The following OSBPL8 variants were observed in gnomAD, a reference collection of about 807,000 sequenced individuals.
OSBPL8 encodes oxysterol-binding protein-related protein 8.
Under a neutral mutation model 125.5 loss-of-function variants are expected in OSBPL8, and 59 were observed. That is an observed-to-expected ratio of 0.47 (90% CI 0.38 to 0.58). The LOEUF (loss-of-function observed/expected upper bound fraction) is 0.58, where lower values mean the gene tolerates loss of function less well. OSBPL8 is among the 20% of genes least tolerant of loss of function. The pLI, the probability that OSBPL8 is intolerant of heterozygous loss-of-function variation, is 0.00. For missense variants in OSBPL8, 758 were observed against 1,047.8 expected, an observed-to-expected ratio of 0.72 and a Z score of 3.82; for synonymous variants, 330 against 338.9, an observed-to-expected ratio of 0.97 and a Z score of 0.29.
intron 1 of OSBPL8, among the ~76,000 whole-genome samples, chr12:76,503,787 C>G (rs1031396973): frequency 3.9e-5 from 6 of 152,074 alleles, no homozygotes; most frequent in African/African-American, 1.2e-4. Context: ...TCGTGATCCA[C>G]CTGCCTCGGC....
intron 1 of OSBPL8, among the ~76,000 whole-genome samples, chr12:76,491,646 G>A (rs1335899976): frequency 6.6e-6 from 1 of 152,070 alleles, no homozygotes; most frequent in Non-Finnish European, 1.5e-5. Context: ...TCTCTTCAAG[G>A]ACAGAGGCTA....
chr12:76,382,440 G>T (rs1431498941), intron 15 of OSBPL8, among the ~76,000 whole-genome samples: 1 of 152,046 alleles, frequency 6.6e-6, no homozygotes, highest in Non-Finnish European at 1.5e-5. Flanking sequence ...GTTGTAAGGG[G>T]TTGTTCTGTG....
intron 23 of OSBPL8, 141 bp from the exon 24 acceptor site, chr12:76,356,162 T>TGGGGGGGTGAACTGGGG (rs1951977503): frequency 7.6e-6 from 1 of 131,834 alleles, no homozygotes; most frequent in African/African-American, 3.4e-5. Context: ...TATGTAGGGG[T>TGGGGGGGTGAACTGGGG]GGGGGGGGGC....
intron 6 of OSBPL8, among the ~76,000 whole-genome samples, chr12:76,401,640 A>G (rs1954057430): frequency 6.6e-6 from 1 of 152,166 alleles, no homozygotes; most frequent in African/African-American, 2.4e-5. Context: ...CCACTGGCCT[A>G]TACTGCTTCT....
chr12:76,554,188 C>CT (rs1395309734), intron 1 of OSBPL8, among the ~76,000 whole-genome samples: 1 of 151,880 alleles, frequency 6.6e-6, no homozygotes, highest in Non-Finnish European at 1.5e-5. Flanking sequence ...TTGCTTTACT[C>CT]TAAGTATTTT....
chr12:76,413,223 T>C (rs554486190), intron 4 of OSBPL8, among the ~76,000 whole-genome samples: 1 of 152,264 alleles, frequency 6.6e-6, no homozygotes, highest in South Asian at 2.1e-4. Context: ...AAATAGAGAA[T>C]TGCTAACATT....
chr12:76,406,994 A>G (rs1275724270), intron 5 of OSBPL8, among the ~76,000 whole-genome samples: 2 of 152,206 alleles, frequency 1.3e-5, no homozygotes, highest in East Asian at 1.9e-4. Context: ...ATTTTAAGAA[A>G]TAACATTTAA....
intron 3 of OSBPL8, among the ~76,000 whole-genome samples, chr12:76,458,343 G>A (rs1175286078): frequency 1.3e-5 from 2 of 151,796 alleles, no homozygotes; most frequent in Non-Finnish European, 2.9e-5. Context: ...ACCTCCTAAT[G>A]ATGATTGTAT....
chr12:76,512,802 T>G (rs1391566144), intron 1 of OSBPL8, among the ~76,000 whole-genome samples: 1 of 152,240 alleles, frequency 6.6e-6, no homozygotes, highest in African/African-American at 2.4e-5. Context: ...TGATATTGAT[T>G]CTTCCTATCC....
chr12:76,483,024 G>A (rs1191360416), intron 2 of OSBPL8, among the ~76,000 whole-genome samples: 1 of 152,180 alleles, frequency 6.6e-6, no homozygotes, highest in Admixed American at 6.5e-5. Context: ...CACTTTAGGA[G>A]GCCGAGGCAG....
intron 1 of OSBPL8, among the ~76,000 whole-genome samples, chr12:76,547,582 T>A (rs1336350370): frequency 1.3e-5 from 2 of 151,818 alleles, no homozygotes; most frequent in Non-Finnish European, 2.9e-5. Context: ...GGAAAAGCAA[T>A]GGAGGAAAAA....
intron 2 of OSBPL8, among the ~76,000 whole-genome samples, chr12:76,478,075 G>A (rs1283491458): frequency 1.3e-5 from 2 of 151,802 alleles, no homozygotes; most frequent in Admixed American, 1.3e-4. Flanking sequence ...ATGGTGGTGC[G>A]CCTGTAATCC....
At position 76,467,805 on chromosome 12, in the gene OSBPL8, A is replaced by T. The variant is rs1041146352; in HGVS notation, c.43-7910T>A. Reference sequence around the variant, plus strand: ...TTTACTATGCTACATACCAGAATTTAAAAACATGATAAAAACATAGTCCCT... The same window carrying T: ...TTTACTATGCTACATACCAGAATTTTAAAACATGATAAAAACATAGTCCCT... On this transcript the variant is annotated intron_variant, in intron 2 of 23. Transcript: ENST00000261183. Among the ~76,000 whole-genome samples the T allele has an allele frequency of 4.6e-5, 7 of 152,162 alleles. 1 individual carries two copies. The highest frequency in any genetic ancestry group is 1.7e-4 in the African/African-American group (7 of 41,422).
chr12:76,557,599 G>A (rs2137551987), intron 1 of OSBPL8, among the ~76,000 whole-genome samples: 1 of 133,794 alleles, frequency 7.5e-6, no homozygotes, highest in East Asian at 2.2e-4. Context: ...GGGATACAGA[G>A]TGAGACAGTC....
intron 1 of OSBPL8, among the ~76,000 whole-genome samples, chr12:76,517,747 A>G (rs901482536): frequency 6.6e-6 from 1 of 152,110 alleles, no homozygotes; most frequent in African/African-American, 2.4e-5. Flanking sequence ...CTGAGCTTTT[A>G]CTCATGGTGG....
rs563475293 is a variant in OSBPL8, at chr12:76,353,695, T to C, written c.*2194A>G. The C allele has an allele frequency of 3.9e-5, 6 of 152,546 alleles. No homozygotes were observed. The East Asian group carries it at 5.8e-4, about 15-fold the overall frequency. The allele number at this position is 152,546 out of a possible 1,614,324, so 9.4% of individuals were successfully genotyped here. On this transcript the variant is annotated 3_prime_UTR_variant, in exon 24 of 24. Transcript: ENST00000261183. ...ATTCCTGAGTTTTGTGTTCAGTTCA[T>C]AGAAAGAGACTCATACAACTAAAAG...
At position 76,371,497 on chromosome 12, in the gene OSBPL8, T is replaced by C. The variant is rs760238771; in HGVS notation, c.2005A>G (p.Ile669Val). The change falls in exon 19 of 24, where the codon ATA (isoleucine) becomes GTA (valine). Residue 669 changes from isoleucine to valine, a missense_variant. By Grantham distance (29) the Ile-to-Val change is conservative. Transcript: ENST00000261183. Reference protein sequence around the residue: ...PTPDIKQWRLIRHTVKFEEQG... With the variant: ...PTPDIKQWRLVRHTVKFEEQG... The stretch of plus-strand genomic sequence containing the variant: ...TCTTCAAATTTTACAGTGTGCCTTA[T>C]TAATCTCCATTGCTTAATGTCAGGT... 1.9e-5 allele frequency: 30 copies of C among 1,610,688 alleles called. No individual in the cohort carries two copies. The Admixed American group carries it at 5.0e-4, about 27-fold the overall frequency.
chr12:76,369,867 A>G, intron 19 of OSBPL8, 45 bp from the exon 20 acceptor site: 1 of 1,531,258 alleles, frequency 6.5e-7, no homozygotes, highest in Non-Finnish European at 8.8e-7. Context: ...AATGTAACAG[A>G]AAATAAAATC....
At chr12:76,448,968 G>A (rs1482635332) in intron 4 of OSBPL8, among the ~76,000 whole-genome samples, 4 of 152,110 alleles carry the variant, frequency 2.6e-5, no homozygotes, top group Non-Finnish European at 5.9e-5. Context: ...AGCTGAGATC[G>A]CGCCACTGCA....
Sources: allele counts gnomAD v4.1 joint callset (sites outside exome capture counted in the v4.1 genomes callset), GRCh38; gene constraint gnomAD v4.1.1; transcripts MANE v1.5; gene names NCBI Gene and HGNC (gene_info 2026-07-23, HGNC 2026-07-21).